UNC93A: variants seen among roughly 807,000 people sequenced by gnomAD.
UNC93A encodes unc-93 homolog A.
In UNC93A, 43 loss-of-function variants were observed where a neutral mutation model predicts 47.5. That is an observed-to-expected ratio of 0.91 (90% CI 0.71 to 1.17). The LOEUF is 1.17. Among genes scored for constraint, UNC93A ranks in the 50% most tolerant of loss-of-function variants. The probability of loss-of-function intolerance (pLI) is 0.00; values close to 1 mark genes in which losing one functional copy is unlikely to be tolerated. For missense variants in UNC93A, 605 were observed against 577.6 expected (o/e 1.05, Z -0.49); for synonymous variants, 280 against 258.0 (o/e 1.09, Z -0.82).
upstream of UNC93A, among the ~76,000 whole-genome samples, chr6:167,270,023 C>G (rs1783424865): frequency 7.9e-6 from 1 of 126,984 alleles, no homozygotes; most frequent in Non-Finnish European, 1.5e-5. Flanking sequence ...GAAGTCAGAA[C>G]AAAGGACTGC....
At chr6:167,287,715 GTGTGTGTGTGCA>G (rs1291515752), upstream of UNC93A, among the ~76,000 whole-genome samples, 1 of 145,752 alleles carries the variant, frequency 6.9e-6, no homozygotes, top group East Asian at 2.2e-4. Context: ...GTGTGCATAT[GTGTGTGTGTGCA>G]TGCGTGTGTG....
intron 5 of UNC93A, 87 bp downstream of exon 5, chr6:167,304,220 T>C: frequency 6.9e-7 from 1 of 1,456,600 alleles, no homozygotes; most frequent in Non-Finnish European, 9.5e-7. Context: ...CCGCAGAGTG[T>C]CTCAGGCCAC....
At position 167,309,476 on chromosome 6, in the gene UNC93A, T is replaced by C. The variant is rs1047631707; in HGVS notation, c.1108+1566T>C. Among the ~76,000 whole-genome samples the C allele has an allele frequency of 2.0e-5, 3 of 151,984 alleles. 1 individual carries two copies. The highest frequency in any genetic ancestry group is 1.3e-4 in the Admixed American group (2 of 15,284). ...AGACTGCGTGTCTAAGAGATGCTGA[T>C]GAGGTGAGATGAAGTGTCCTCTCGG... On this transcript the variant is annotated intron_variant, in intron 7 of 7. Transcript: ENST00000230256.
chr6:167,311,494 G>A lies in UNC93A; in HGVS notation c.1108+3584G>A, dbSNP rs181809121. ...GCAGTTGCCATGGCAACCCTTCCCC[G>A]CCAATGCGCTGCCATGAAGATACAG... On this transcript the variant is annotated intron_variant, in intron 7 of 7. Transcript: ENST00000230256. Among the ~76,000 whole-genome samples the A allele has an allele frequency of 5.3e-4, 80 of 152,326 alleles. No individual in the cohort carries two copies. The East Asian group carries it at 9.8e-3, about 19-fold the overall frequency.
chr6:167,281,569 GC>G (rs1302531989), intron 1 of UNC93A, among the ~76,000 whole-genome samples: 1 of 152,156 alleles, frequency 6.6e-6, no homozygotes, highest in African/African-American at 2.4e-5. Flanking sequence ...GCAGGAGCCA[GC>G]AACTCCACAA....
At chr6:167,308,684 C>T (rs958089476) in intron 7 of UNC93A, among the ~76,000 whole-genome samples, 1 of 151,876 alleles carries the variant, frequency 6.6e-6, no homozygotes, top group East Asian at 1.9e-4. Context: ...AAGTCGGGTC[C>T]CCAAGTGTGG....
At chr6:167,280,382 G>A (rs550680819) in intron 1 of UNC93A, among the ~76,000 whole-genome samples, 1 of 152,266 alleles carries the variant, frequency 6.6e-6, no homozygotes, top group Non-Finnish European at 1.5e-5. Context: ...AATAACATAT[G>A]AATTACTTGC....
upstream of UNC93A, among the ~76,000 whole-genome samples, chr6:167,270,046 C>CGGGGTGGGGGTGGGGGTG (rs555048330): frequency 5.3e-5 from 2 of 38,020 alleles, no homozygotes; most frequent in Admixed American, 6.3e-4. Flanking sequence ...AGAGGCTGCA[C>CGGGGTGGGGGTGGGGGTG]GGGGTGGGGG....
chr6:167,293,911 T>C (rs1777967328), intron 1 of UNC93A, among the ~76,000 whole-genome samples: 1 of 152,172 alleles, frequency 6.6e-6, no homozygotes, highest in Non-Finnish European at 1.5e-5. Flanking sequence ...CCCAGCACCC[T>C]CGTGGCGGTG....
chr6:167,311,485 C>T (rs1259973895), intron 7 of UNC93A, among the ~76,000 whole-genome samples: 1 of 152,226 alleles, frequency 6.6e-6, no homozygotes, highest in East Asian at 1.9e-4. Flanking sequence ...GCCATGGCAA[C>T]CCTTCCCCGC....
chr6:167,274,227 C>T (rs902479948), intron 1 of UNC93A, among the ~76,000 whole-genome samples: 2 of 152,152 alleles, frequency 1.3e-5, no homozygotes, highest in Admixed American at 1.3e-4. Context: ...GGGTGACCTC[C>T]CCAGGCCCCT....
At chr6:167,304,417 G>A (rs962600232) in intron 5 of UNC93A, among the ~76,000 whole-genome samples, 2 of 152,152 alleles carry the variant, frequency 1.3e-5, no homozygotes, top group African/African-American at 4.8e-5. Context: ...CAAGTGGATG[G>A]GCAGCTGCCG....
At chr6:167,285,958 CTCTATA>C (rs1396386539) in intron 1 of UNC93A, among the ~76,000 whole-genome samples, 23 of 142,078 alleles carry the variant, frequency 1.6e-4, no homozygotes, top group African/African-American at 4.7e-4. Context: ...CTCTCTCTCT[CTCTATA>C]TATATATATA....
At chr6:167,280,415 A>G (rs761334816) in intron 1 of UNC93A, among the ~76,000 whole-genome samples, 2 of 152,198 alleles carry the variant, frequency 1.3e-5, no homozygotes, top group Non-Finnish European at 2.9e-5. Flanking sequence ...GGCACCCTTC[A>G]TCTCAATAGA....
intron 3 of UNC93A, among the ~76,000 whole-genome samples, chr6:167,297,087 T>C (rs1263589795): frequency 1.3e-5 from 2 of 152,240 alleles, no homozygotes; most frequent in Admixed American, 6.5e-5. Flanking sequence ...TACTCATTAT[T>C]GCTGTTGGTG....
intron 2 of UNC93A, among the ~76,000 whole-genome samples, chr6:167,295,645 C>T (rs35784479): frequency 4.0e-5 from 2 of 49,842 alleles, no homozygotes; most frequent in African/African-American, 1.9e-4. Context: ...CTGCCTCGTG[C>T]TCCTCGCCTC....
intron 6 of UNC93A, among the ~76,000 whole-genome samples, chr6:167,307,385 A>G (rs1778425662): frequency 6.6e-6 from 1 of 152,230 alleles, no homozygotes; most frequent in South Asian, 2.1e-4. Context: ...AACATTGAGC[A>G]TGAAGCAAAC....
rs1276421718 is a variant in UNC93A at position 167,306,020 on chromosome 6, T to A, written c.946T>A (p.Tyr316Asn). 6.2e-7 allele frequency: 1 copy of A among 1,614,206 alleles called. No homozygotes were observed. The highest frequency in any genetic ancestry group is 1.7e-5 in the Admixed American group (1 of 60,028). The change falls in exon 6 of 8, where the codon TAC becomes AAC. Residue 316 changes from tyrosine (Y) to asparagine (N), a missense_variant. Physicochemically the swap from Tyr to Asn is moderately radical, Grantham distance 143. Coordinates refer to ENST00000230256, the MANE Select transcript of UNC93A (RefSeq NM_018974.4). ...CSVLYGKVSQYTGRAVLYVLG... is the reference protein window; with the variant it reads ...CSVLYGKVSQNTGRAVLYVLG... Reference sequence around the variant, plus strand: ...CGTGTTGTATGGAAAGGTCTCGCAGTACACGGGCAGGGCTGTGCTGTACGT... The same window carrying A: ...CGTGTTGTATGGAAAGGTCTCGCAGAACACGGGCAGGGCTGTGCTGTACGT...
rs1475021848 is a variant in UNC93A, at chr6:167,298,076, A to C, written c.625+6A>C. 3.7e-6 allele frequency: 6 copies of C among 1,613,224 alleles called. No homozygotes were observed. The highest frequency in any genetic ancestry group is 5.1e-6 in the Non-Finnish European group (6 of 1,179,712). On this transcript the variant is annotated splice_donor_region_variant and intron_variant, in intron 4 of 7. Coordinates refer to ENST00000230256, the MANE Select transcript of UNC93A (RefSeq NM_018974.4). ...CCTCCTGGGCATCTACACTGGTACG[A>C]GCTCCATCGGCCCAGGGCAGGGTCC...
Sources: allele counts gnomAD v4.1 joint callset (sites outside exome capture counted in the v4.1 genomes callset), GRCh38; gene constraint gnomAD v4.1.1; transcripts MANE v1.5; gene names NCBI Gene and HGNC (gene_info 2026-07-23, HGNC 2026-07-21).